Variants in TNKS2 observed in about 807,000 individuals in gnomAD.
TNKS2 encodes tankyrase 2.
A neutral mutation model predicts 137.6 loss-of-function variants in TNKS2; 72 were observed. That is an observed-to-expected ratio of 0.52 (90% CI 0.43 to 0.64). TNKS2 has a LOEUF of 0.64. Among genes scored for constraint, TNKS2 ranks in the 30% least tolerant of loss-of-function variants. The probability of loss-of-function intolerance (pLI) is 0.00; values close to 1 mark genes in which losing one functional copy is unlikely to be tolerated. For missense variants in TNKS2, 1,049 were observed against 1,410.2 expected, an observed-to-expected ratio of 0.74 and a Z score of 4.10; for synonymous variants, 516 against 512.1, an observed-to-expected ratio of 1.01 and a Z score of -0.10.
At chr10:91,820,771 T>G (rs1296141606) in intron 6 of TNKS2, among the ~76,000 whole-genome samples, 1 of 152,038 alleles carries the variant, frequency 6.6e-6, no homozygotes, top group Non-Finnish European at 1.5e-5. Flanking sequence ...ATTCTAGAGG[T>G]TTAAGCATAA....
intron 13 of TNKS2, 114 bp from the exon 14 acceptor site, chr10:91,840,447 T>C (rs1842176237): frequency 3.2e-6 from 3 of 936,000 alleles, no homozygotes; most frequent in Non-Finnish European, 3.2e-6. Context: ...AGAATACTGA[T>C]TTAATGAGAC....
chr10:91,830,374 C>T (rs914054485), intron 9 of TNKS2, among the ~76,000 whole-genome samples: 2 of 152,062 alleles, frequency 1.3e-5, no homozygotes, highest in Non-Finnish European at 2.9e-5. Context: ...CGTGCCACCA[C>T]GACTGGCTAA....
Position 91,833,993 on chromosome 10 carries a change from G to A in TNKS2, c.1416G>A (p.Met472Ile), listed in dbSNP as rs746278983. Residue 472 changes from methionine to isoleucine, a missense_variant, in exon 12 of 27, where the codon ATG becomes ATA. Physicochemically the swap from Met to Ile is conservative, Grantham distance 10. Transcript: ENST00000371627. ...ISLQGFTALQ[M>I]GNENVQQLLQ... ...TTCAGGGCTTTACTGCTTTACAGAT[G>A]GGAAATGAAAATGTACAGCAACTCC... 6.2e-7 allele frequency: 1 copy of A among 1,604,844 alleles called. No individual in the cohort carries two copies. Among genetic ancestry groups the A allele is most frequent in the Non-Finnish European group, 8.5e-7 (1 of 1,176,888 alleles).
intron 22 of TNKS2, 61 bp downstream of exon 22, chr10:91,855,187 C>G: frequency 9.5e-7 from 1 of 1,050,948 alleles, no homozygotes; most frequent in South Asian, 1.3e-5. Context: ...TTTGTATCCT[C>G]TTGTTTCTTT....
rs780840165 is a variant in TNKS2, at chr10:91,857,476, A to G, written c.3040A>G (p.Lys1014Glu). The G allele has an allele frequency of 2.5e-6, 4 of 1,612,262 alleles. No individual in the cohort carries two copies. The highest frequency in any genetic ancestry group is 1.7e-5 in the Admixed American group (1 of 59,936). ...KLWERYTHRRKEVSEENHNHA... is the reference protein window; with the variant it reads ...KLWERYTHRREEVSEENHNHA... The stretch of plus-strand genomic sequence containing the variant: ...ATGGGAAAGATACACTCACCGGAGA[A>G]AAGAAGTTTCTGAAGAAAACCACAA... The change falls in exon 24 of 27, where the codon AAA (lysine) becomes GAA (glutamate). Residue 1014 changes from lysine (K) to glutamate (E), a missense_variant. Lys to Glu is a moderately conservative substitution (Grantham distance 56). Coordinates refer to ENST00000371627, the MANE Select transcript of TNKS2 (RefSeq NM_025235.4).
intron 3 of TNKS2, 96 bp downstream of exon 3, chr10:91,817,325 T>TC (rs1844736478): frequency 1.4e-6 from 1 of 691,866 alleles, no homozygotes; most frequent in South Asian, 1.9e-5. Flanking sequence ...TTCAGCTAGA[T>TC]TTTTAAAATA....
chr10:91,810,603 T>C (rs1426562918), intron 1 of TNKS2, among the ~76,000 whole-genome samples: 5 of 150,582 alleles, frequency 3.3e-5, no homozygotes, highest in Non-Finnish European at 5.9e-5. Context: ...CCCAGGTTCA[T>C]GCCATTCTCC....
intron 20 of TNKS2, among the ~76,000 whole-genome samples, 165 bp from the exon 21 acceptor site, chr10:91,851,051 G>A (rs187482618): frequency 6.6e-5 from 10 of 152,326 alleles, no homozygotes; most frequent in African/African-American, 1.2e-4. Flanking sequence ...TTTGTTTTGC[G>A]TTTTAGTTCT....
intron 26 of TNKS2, 127 bp from the exon 27 acceptor site, chr10:91,862,810 C>G (rs775197375): frequency 2.4e-5 from 15 of 618,790 alleles, no homozygotes; most frequent in Non-Finnish European, 4.2e-5. Context: ...GAAAATGTCC[C>G]TAGATGATTC....
At position 91,842,252 on chromosome 10, in the gene TNKS2, A is replaced by G. The variant is rs1289032459; in HGVS notation, c.1920A>G (p.Gln640=). 1.2e-6 allele frequency: 2 copies of G among 1,614,046 alleles called. No individual in the cohort carries two copies. Among genetic ancestry groups the G allele is most frequent in the Non-Finnish European group, 1.7e-6 (2 of 1,180,012 alleles). The change falls in exon 16 of 27, where the codon CAA becomes CAG. Residue 640 remains glutamine (Q), a synonymous_variant. Coordinates refer to ENST00000371627, the MANE Select transcript of TNKS2 (RefSeq NM_025235.4). ...DLVKDGDTDI[Q]DLLRGDAALL... ...TTAAAGATGGAGATACAGATATTCAAGATCTGCTTAGGGGAGATGCAGCTT... is the reference window on the plus strand; with the variant it reads ...TTAAAGATGGAGATACAGATATTCAGGATCTGCTTAGGGGAGATGCAGCTT...
At position 91,862,790 on chromosome 10, in the gene TNKS2, G is replaced by C. The variant is rs190174579; in HGVS notation, c.3439-147G>C. On this transcript the variant is annotated intron_variant, in intron 26 of 26. Coordinates refer to ENST00000371627, the MANE Select transcript of TNKS2 (RefSeq NM_025235.4). ...TCTGAAGAACTGTACTCAGGGTAAA[G>C]ATGTTTTGAGAAAATGTCCCTAGAT... The C allele has an allele frequency of 2.1e-5, 12 of 578,152 alleles. No individual in the cohort carries two copies. In the Admixed American group the frequency reaches 3.8e-4, roughly 18 times the overall value. The allele number at this position is 578,152 out of a possible 1,614,324, so 35.8% of individuals were successfully genotyped here. A position where few individuals can be genotyped will look rare whatever the true frequency, so the allele number is the denominator to read the frequency against.
intron 1 of TNKS2, among the ~76,000 whole-genome samples, chr10:91,803,254 T>C (rs905980858): frequency 1.3e-5 from 2 of 152,168 alleles, no homozygotes; most frequent in Non-Finnish European, 2.9e-5. Flanking sequence ...TGCCACAGGC[T>C]ATAATCCCAG....
intron 3 of TNKS2, among the ~76,000 whole-genome samples, chr10:91,818,058 T>C (rs1031953847): frequency 6.6e-6 from 1 of 152,264 alleles, no homozygotes; most frequent in Admixed American, 6.5e-5. Context: ...GACTTCTTCA[T>C]GAAAAGACTT....
chr10:91,863,255 T>C lies in TNKS2; in HGVS notation c.*256T>C, dbSNP rs1231035603. 2.5e-5 allele frequency: 9 copies of C among 356,348 alleles called. No individual in the cohort carries two copies. The highest frequency in any genetic ancestry group is 4.6e-5 in the Non-Finnish European group (9 of 195,396). 22.1% of individuals were successfully genotyped at this position (356,348 alleles called of 1,614,324 possible). On this transcript the variant is annotated 3_prime_UTR_variant, in exon 27 of 27. Coordinates refer to ENST00000371627, the MANE Select transcript of TNKS2 (RefSeq NM_025235.4). ...AAACTGGGTTGTCTGTACTAAATTA[T>C]AAACAGAGTTAACTTGAACCTTTTA...
chr10:91,823,050 C>CAA (rs879552963), intron 7 of TNKS2, among the ~76,000 whole-genome samples: 2,156 of 109,366 alleles, frequency 0.02, 50 homozygotes, highest in African/African-American at 0.064. Flanking sequence ...GACCTTGTCT[C>CAA]AAAAAAAAAA....
chr10:91,821,194 C>T (rs528414837), intron 6 of TNKS2, among the ~76,000 whole-genome samples: 3 of 152,198 alleles, frequency 2.0e-5, no homozygotes, highest in South Asian at 4.1e-4. Context: ...CACACCACCA[C>T]GCCTGGCTAA....
intron 1 of TNKS2, among the ~76,000 whole-genome samples, chr10:91,803,547 G>C (rs1383962481): frequency 6.6e-6 from 1 of 152,196 alleles, no homozygotes; most frequent in Non-Finnish European, 1.5e-5. Flanking sequence ...GGAGGCTAAG[G>C]TTAGAGGATT....
At chr10:91,826,479 A>G (rs758556250) in intron 7 of TNKS2, among the ~76,000 whole-genome samples, 1 of 152,240 alleles carries the variant, frequency 6.6e-6, no homozygotes, top group Non-Finnish European at 1.5e-5. Flanking sequence ...CAGCAACATT[A>G]TATGTATGAA....
intron 21 of TNKS2, among the ~76,000 whole-genome samples, chr10:91,852,209 C>T (rs537799299): frequency 6.6e-6 from 1 of 150,900 alleles, no homozygotes; most frequent in African/African-American, 2.4e-5. Flanking sequence ...GCCTGGGCGA[C>T]AGAGCGAGAC....
Sources: gnomAD v4.1 joint callset for allele counts (sites outside exome capture counted in the v4.1 genomes callset) on GRCh38, gnomAD v4.1.1 for gene constraint, MANE v1.5 for transcripts, NCBI Gene and HGNC (gene_info 2026-07-23, HGNC 2026-07-21) for gene names.